The following SFSWAP variants were observed in gnomAD, a reference collection of about 807,000 sequenced individuals.
SFSWAP encodes splicing factor, suppressor of white-apricot homolog.
SFSWAP carries 17 observed loss-of-function variants against 100.7 expected under a neutral mutation model. The ratio of observed to expected loss-of-function variants is 0.17; its 90% CI spans 0.12 to 0.25. The LOEUF is 0.25. SFSWAP is among the 10% of genes least tolerant of loss of function. The pLI is 1.00. For synonymous variants in SFSWAP, 504 were observed against 510.1 expected, an observed-to-expected ratio of 0.99 and a Z score of 0.16; for missense variants, 1,005 against 1,262.6, an observed-to-expected ratio of 0.80 and a Z score of 3.09.
intron 7 of SFSWAP, among the ~76,000 whole-genome samples, chr12:131,737,448 C>T (rs948860607): frequency 2.0e-5 from 3 of 152,192 alleles, no homozygotes; most frequent in Non-Finnish European, 2.9e-5. Flanking sequence ...TGCAGATTGA[C>T]GTGGTACTTA....
Position 131,753,202 on chromosome 12 carries a change from C to G in SFSWAP, c.1161C>G (p.Ile387Met), listed in dbSNP as rs142012955. ...GCCTGGCGCCGCCCCCTCCCGGAAT[C>G]GACGTGACTACTTACTACAGCACCC... ...TYCLAPPPPG[I>M]DVTTYYSTLP... Residue 387 changes from isoleucine to methionine, a missense_variant, in exon 8 of 18, where the codon ATC becomes ATG. By Grantham distance (10) the Ile-to-Met change is conservative. Around this residue, in one of 7 missense-constraint regions of SFSWAP, gnomAD observed 311 missense variants for 317.8 expected, o/e 0.98. Transcript: ENST00000261674. 1.9e-6 allele frequency: 3 copies of G among 1,614,196 alleles called. No homozygotes were observed. In the South Asian group the frequency reaches 3.3e-5, roughly 18 times the overall value.
At chr12:131,787,006 G>A (rs981691581) in intron 15 of SFSWAP, among the ~76,000 whole-genome samples, 3 of 152,184 alleles carry the variant, frequency 2.0e-5, no homozygotes, top group Non-Finnish European at 4.4e-5. Context: ...CTGTGTGACG[G>A]TGACTACGGC....
intron 15 of SFSWAP, among the ~76,000 whole-genome samples, chr12:131,790,277 TC>T: frequency 6.6e-6 from 1 of 152,348 alleles, no homozygotes; most frequent in East Asian, 1.9e-4. Context: ...TTTTGACACC[TC>T]CCATAGTTCT....
At chr12:131,727,585 C>T (rs1284880089) in intron 6 of SFSWAP, among the ~76,000 whole-genome samples, 6 of 152,172 alleles carry the variant, frequency 3.9e-5, no homozygotes, top group Middle Eastern at 3.4e-3. Flanking sequence ...GTGGAGGTTG[C>T]AGTGAGCCAA....
intron 14 of SFSWAP, among the ~76,000 whole-genome samples, chr12:131,780,858 A>G (rs1884442955): frequency 6.6e-6 from 1 of 152,208 alleles, no homozygotes; most frequent in Non-Finnish European, 1.5e-5. Context: ...GGGACCGATC[A>G]TTGTAAGAGC....
At chr12:131,785,245 G>A (rs1489683732) in intron 14 of SFSWAP, 11 of 1,530,710 alleles carry the variant, frequency 7.2e-6, no homozygotes, top group African/African-American at 4.1e-5. Context: ...AACTGACCTC[G>A]CCTTTATCAT....
intron 7 of SFSWAP, among the ~76,000 whole-genome samples, chr12:131,729,367 A>C (rs895097842): frequency 1.2e-4 from 18 of 152,008 alleles, no homozygotes; most frequent in African/African-American, 4.4e-4. Context: ...TTAGCTGGGC[A>C]TGGTGGTGTG....
At position 131,725,200 on chromosome 12, in the gene SFSWAP, C is replaced by T. The variant is rs1878840668; in HGVS notation, c.607-205C>T. ...GTCTGTACCATGGTGGAGTGGCCTGCCTCAGCTGGCGAGCTTTCTCCCCTG... is the reference window on the plus strand; with the variant it reads ...GTCTGTACCATGGTGGAGTGGCCTGTCTCAGCTGGCGAGCTTTCTCCCCTG... On this transcript the variant is annotated intron_variant, in intron 4 of 17. Coordinates refer to ENST00000261674, the MANE Select transcript of SFSWAP (RefSeq NM_004592.4). The surrounding 1 kb of genome is among the most constrained non-coding windows in gnomAD (Gnocchi z 4.3). Among the ~76,000 whole-genome samples the T allele has an allele frequency of 6.6e-6, 1 of 152,154 alleles. No individual in the cohort carries two copies.
Position 131,738,283 on chromosome 12 carries a change from A to G in SFSWAP, c.1081+9855A>G, listed in dbSNP as rs140714034. On this transcript the variant is annotated intron_variant, in intron 7 of 17. Coordinates refer to ENST00000261674, the MANE Select transcript of SFSWAP (RefSeq NM_004592.4). The stretch of plus-strand genomic sequence containing the variant: ...AATGGTTTTATTGTATGTCAAGAGA[A>G]GAAGGAAGAAAGCAAAAATGTTACC... Among the ~76,000 whole-genome samples the G allele has an allele frequency of 2.6e-5, 4 of 152,334 alleles. No homozygotes were observed. In the East Asian group the frequency reaches 7.7e-4, roughly 29 times the overall value.
rs756576367 is a variant in SFSWAP, at chr12:131,797,336, G to A, written c.2693G>A (p.Arg898Gln). 76 of 1,609,644 alleles carry A rather than the reference G, an allele frequency of 4.7e-5. No individual in the cohort carries two copies. The highest frequency in any genetic ancestry group is 3.8e-4 in the East Asian group (17 of 44,786). Residue 898 changes from arginine to glutamine, a missense_variant, in exon 16 of 18, where the codon CGG becomes CAG. Around this residue, in one of 7 missense-constraint regions of SFSWAP, gnomAD observed 295 missense variants for 347.9 expected, o/e 0.85. Transcript: ENST00000261674. ...GCCAGCGTCTCCCCTGTGGAGAGTC[G>A]GGGCTCCAGCCAGGAGCGCTCCAGG... ...HSASVSPVES[R>Q]GSSQERSRGV... is the part of the protein sequence containing the mutation.
intron 11 of SFSWAP, among the ~76,000 whole-genome samples, chr12:131,760,949 GTAATCCCAGC>G (rs1173152729): frequency 2.6e-5 from 4 of 152,306 alleles, no homozygotes; most frequent in African/African-American, 9.6e-5. Flanking sequence ...GCGGGCACCT[GTAATCCCAGC>G]TAATCAGGAG....
At chr12:131,762,955 A>T (rs1882800836) in intron 11 of SFSWAP, among the ~76,000 whole-genome samples, 1 of 152,134 alleles carries the variant, frequency 6.6e-6, no homozygotes, top group East Asian at 1.9e-4. Context: ...ATATCACATA[A>T]TGACCACTCA....
Position 131,781,842 on chromosome 12 carries a change from G to A in SFSWAP, c.2408+3512G>A, listed in dbSNP as rs565343903. On this transcript the variant is annotated intron_variant, in intron 14 of 17. Coordinates refer to ENST00000261674, the MANE Select transcript of SFSWAP (RefSeq NM_004592.4). ...TAAAAGCATTTGATTTTGCAACTGA[G>A]ACAAAATATGAAGGCAAAGTGCAAG... Among the ~76,000 whole-genome samples the A allele has an allele frequency of 2.0e-5, 3 of 152,238 alleles. No individual in the cohort carries two copies. The South Asian group carries it at 6.2e-4, about 32-fold the overall frequency.
intron 13 of SFSWAP, among the ~76,000 whole-genome samples, chr12:131,771,688 T>G (rs914446458): frequency 2.1e-5 from 3 of 142,290 alleles, no homozygotes; most frequent in African/African-American, 8.0e-5. Context: ...GGAGTCTCGC[T>G]CTGTCTCCAG....
At position 131,783,792 on chromosome 12, in the gene SFSWAP, T is replaced by TTTTATA. The variant is rs1312028614; in HGVS notation, c.2409-2670_2409-2669insTTATAT. The TTTTATA allele has an allele frequency of 1.3e-4, 11 of 86,684 alleles. 1 individual carries two copies. The East Asian group carries it at 4.0e-3, about 31-fold the overall frequency. 5.4% of individuals were successfully genotyped at this position (86,684 alleles called of 1,614,324 possible). ...AGACTCCGTCTCAAAAAAAAACATT[T>TTTTATA]TATATATATATATATATATATATAT... On this transcript the variant is annotated intron_variant, in intron 14 of 17. Transcript: ENST00000261674.
chr12:131,793,941 G>A (rs556482406), intron 15 of SFSWAP, among the ~76,000 whole-genome samples: 5 of 152,132 alleles, frequency 3.3e-5, no homozygotes, highest in South Asian at 4.1e-4. Flanking sequence ...CAGCGGCTGC[G>A]CTCTCAGACA....
rs376470865 is a variant in SFSWAP at position 131,797,127 on chromosome 12, C to T, written c.2535-51C>T. 3.8e-5 allele frequency: 59 copies of T among 1,538,930 alleles called. No homozygotes were observed. In the African/African-American group the frequency reaches 7.8e-4, roughly 20 times the overall value. ...TCAGATCCGAGCTTCTCCCTTTGTGCCCTGCCTTTAAACCAAAGCTGCATC... is the reference window on the plus strand; with the variant it reads ...TCAGATCCGAGCTTCTCCCTTTGTGTCCTGCCTTTAAACCAAAGCTGCATC... On this transcript the variant is annotated intron_variant, in intron 15 of 17. Transcript: ENST00000261674.
rs574030277 is a variant in SFSWAP at position 131,730,043 on chromosome 12, A to G, written c.1081+1615A>G. Among the ~76,000 whole-genome samples, 80 of 152,374 alleles carry G rather than the reference A, an allele frequency of 5.3e-4. 1 individual carries two copies. The South Asian group carries it at 0.016, about 30-fold the overall frequency. ...AATCAAGTCATATCAAATTTCACTG[A>G]ATGTTCAAATCAGAGGTCAGCTCTA... On this transcript the variant is annotated intron_variant, in intron 7 of 17. Transcript: ENST00000261674. The surrounding 1 kb of genome is among the most constrained non-coding windows in gnomAD (Gnocchi z 4.0).
intron 15 of SFSWAP, chr12:131,796,789 A>G (rs192356678): frequency 1.4e-3 from 239 of 169,186 alleles, no homozygotes; most frequent in Non-Finnish European, 1.8e-3. Flanking sequence ...TGTTTTTTCA[A>G]AAAAAAGGAA....
Sources: gnomAD v4.1 joint callset for allele counts (sites outside exome capture counted in the v4.1 genomes callset) on GRCh38, gnomAD v4.1.1 for gene constraint, gnomAD v4.1.1 regional missense constraint, Gnocchi (gnomAD v3.1) non-coding constraint, MANE v1.5 for transcripts, NCBI Gene and HGNC (gene_info 2026-07-23, HGNC 2026-07-21) for gene names.